Variants in PIGL observed in about 807,000 individuals in gnomAD.
PIGL encodes the protein N-acetylglucosaminyl-phosphatidylinositol de-N-acetylase.
In PIGL, 22 loss-of-function variants were observed where a neutral mutation model predicts 31.1. That is an observed-to-expected ratio of 0.71 (90% CI 0.51 to 1.01). PIGL has a LOEUF of 1.01. Among genes scored for constraint, PIGL ranks in the 50% least tolerant of loss-of-function variants. The pLI, the probability that PIGL is intolerant of heterozygous loss-of-function variation, is 0.00. For synonymous variants in PIGL, 131 were observed against 117.4 expected, an observed-to-expected ratio of 1.12 and a Z score of -0.75; for missense variants, 302 against 315.9, an observed-to-expected ratio of 0.96 and a Z score of 0.33.
chr17:16,218,724 G>T (rs1420662007), intron 1 of PIGL, among the ~76,000 whole-genome samples: 1 of 148,358 alleles, frequency 6.7e-6, no homozygotes, highest in Non-Finnish European at 1.5e-5. Flanking sequence ...TGTTGCCCAG[G>T]CTGGAGTGCC....
At position 16,315,708 on chromosome 17, in the gene PIGL, C is replaced by CTTTTTT. The variant is rs1157169209; in HGVS notation, c.495-953_495-948dup. Among the ~76,000 whole-genome samples, 295 of 59,050 alleles carry CTTTTTT rather than the reference C, an allele frequency of 5.0e-3. 2 individuals carry two copies. The highest frequency in any genetic ancestry group is 5.8e-3 in the East Asian group (12 of 2,052). 38.7% of individuals were successfully genotyped at this position (59,050 alleles called of 152,430 possible). Reference sequence around the variant, plus strand: ...CTTTTCTTTCTTTCTTTCTTTCTTTCTTTTTTTTTTTTTTTTTTTTTTTTT... The same window carrying CTTTTTT: ...CTTTTCTTTCTTTCTTTCTTTCTTTCTTTTTTTTTTTTTTTTTTTTTTTTTTTTTTT... On this transcript the variant is annotated intron_variant, in intron 4 of 6. Transcript: ENST00000225609.
chr17:16,238,286 A>C (rs1477102737), intron 2 of PIGL, among the ~76,000 whole-genome samples: 1 of 151,920 alleles, frequency 6.6e-6, no homozygotes, highest in Non-Finnish European at 1.5e-5. Flanking sequence ...AATACTCAAA[A>C]CTAATACTAA....
At chr17:16,245,621 T>A (rs970974894) in intron 2 of PIGL, among the ~76,000 whole-genome samples, 2 of 150,396 alleles carry the variant, frequency 1.3e-5, no homozygotes, top group African/African-American at 4.9e-5. Context: ...GGCAGGATGG[T>A]CTCGATCTCT....
At chr17:16,235,704 C>G (rs2092696881) in intron 2 of PIGL, among the ~76,000 whole-genome samples, 1 of 150,248 alleles carries the variant, frequency 6.7e-6, no homozygotes, top group South Asian at 2.1e-4. Context: ...CCACCTGCCT[C>G]GGCCTCCCAA....
Position 16,316,902 on chromosome 17 carries a change from G to A in PIGL, c.526+190G>A, listed in dbSNP as rs187460360. On this transcript the variant is annotated intron_variant, in intron 5 of 6. Transcript: ENST00000225609. ...TGTATCTACCAGCAAGTGCCTGCCTGCAGGGCCACCTCTGGATGAGTGGGG... is the reference window on the plus strand; with the variant it reads ...TGTATCTACCAGCAAGTGCCTGCCTACAGGGCCACCTCTGGATGAGTGGGG... The A allele has an allele frequency of 4.0e-5, 55 of 1,372,594 alleles. 1 individual carries two copies. The South Asian group carries it at 9.3e-4, about 23-fold the overall frequency. 85.0% of individuals were successfully genotyped at this position (1,372,594 alleles called of 1,614,324 possible). A position where few individuals can be genotyped will look rare whatever the true frequency, so the allele number is the denominator to read the frequency against.
chr17:16,233,428 G>T (rs1376618246), intron 1 of PIGL, among the ~76,000 whole-genome samples: 4 of 152,062 alleles, frequency 2.6e-5, no homozygotes, highest in Non-Finnish European at 4.4e-5. Flanking sequence ...GGGGTATGCT[G>T]GATAGCTGGC....
Position 16,245,719 on chromosome 17 carries a change from CAT to C in PIGL, c.335+11659_335+11660del, listed in dbSNP as rs945157288. ...TGCCTGGCCTATATATATATACACA[CAT>C]ATATATATACACACACACATATATA... On this transcript the variant is annotated intron_variant, in intron 2 of 6. Coordinates refer to ENST00000225609, the MANE Select transcript of PIGL (RefSeq NM_004278.4). Among the ~76,000 whole-genome samples, 10 of 150,298 alleles carry C rather than the reference CAT, an allele frequency of 6.7e-5. No homozygotes were observed. In the South Asian group the frequency reaches 1.3e-3, roughly 19 times the overall value.
At position 16,232,768 on chromosome 17, in the gene PIGL, T is replaced by TAAA. The variant is rs34414046; in HGVS notation, c.236-1193_236-1191dup. Reference sequence around the variant, plus strand: ...AATATACACAAAATAGTTTATGACTTAAAAAAAAAAAACGCAAAAAAAGGT... The same window carrying TAAA: ...AATATACACAAAATAGTTTATGACTTAAAAAAAAAAAAAAACGCAAAAAAAGGT... On this transcript the variant is annotated intron_variant, in intron 1 of 6. Transcript: ENST00000225609. 1.7e-3 allele frequency among the ~76,000 whole-genome samples: 246 copies of TAAA among 144,362 alleles called. 1 individual carries two copies. Among genetic ancestry groups the TAAA allele is most frequent in the Middle Eastern group, 7.1e-3 (2 of 282 alleles). The allele number at this position is 144,362 out of a possible 152,430, so 94.7% of individuals were successfully genotyped here.
At chr17:16,301,102 C>T (rs1414861762) in intron 3 of PIGL, among the ~76,000 whole-genome samples, 1 of 151,956 alleles carries the variant, frequency 6.6e-6, no homozygotes, top group Non-Finnish European at 1.5e-5. Flanking sequence ...CTCATGAAAA[C>T]ATGAATCCTG....
At chr17:16,256,109 G>A (rs901779875) in intron 2 of PIGL, among the ~76,000 whole-genome samples, 6 of 152,202 alleles carry the variant, frequency 3.9e-5, no homozygotes, top group African/African-American at 1.4e-4. Context: ...GTTTGGAAAA[G>A]GTTTGCAAAT....
At chr17:16,272,962 G>A (rs2092878797) in intron 2 of PIGL, among the ~76,000 whole-genome samples, 2 of 152,188 alleles carry the variant, frequency 1.3e-5, no homozygotes, top group African/African-American at 4.8e-5. Flanking sequence ...GTGGAAGTTG[G>A]GATGAAACAG....
intron 5 of PIGL, chr17:16,317,552 G>A (rs772567986): frequency 4.6e-5 from 60 of 1,309,988 alleles, no homozygotes; most frequent in Middle Eastern, 6.0e-4. Flanking sequence ...AGGGCACACC[G>A]CAGGGTAGAG....
chr17:16,218,316 C>T (rs962544439), intron 1 of PIGL: 6 of 152,054 alleles, frequency 3.9e-5, no homozygotes, highest in African/African-American at 1.4e-4. Context: ...CGTTTTTACT[C>T]GACATTACTT....
chr17:16,227,910 A>T (rs2092659751), intron 1 of PIGL, among the ~76,000 whole-genome samples: 1 of 151,764 alleles, frequency 6.6e-6, no homozygotes, highest in Non-Finnish European at 1.5e-5. Context: ...TGATCTTTTA[A>T]AGACAACTTC....
chr17:16,255,751 C>T (rs1054082062), intron 2 of PIGL, among the ~76,000 whole-genome samples: 1 of 152,220 alleles, frequency 6.6e-6, no homozygotes, highest in Admixed American at 6.6e-5. Context: ...CAGTCCTTTT[C>T]TCCAAATACA....
intron 2 of PIGL, among the ~76,000 whole-genome samples, chr17:16,295,310 G>A (rs915191333): frequency 2.0e-5 from 3 of 151,668 alleles, no homozygotes; most frequent in Non-Finnish European, 1.5e-5. Context: ...GGCTGAGGCA[G>A]GAGAATCGCT....
chr17:16,315,684 T>TTTTC (rs1295279206), intron 4 of PIGL, among the ~76,000 whole-genome samples: 8 of 120,378 alleles, frequency 6.6e-5, no homozygotes, highest in South Asian at 2.6e-4. Context: ...CAGTCTTTTC[T>TTTTC]TTTCTTTCTT....
intron 2 of PIGL, among the ~76,000 whole-genome samples, chr17:16,240,667 CTT>C: frequency 6.9e-6 from 1 of 145,306 alleles, no homozygotes; most frequent in Non-Finnish European, 1.5e-5. Context: ...TGCCAGCTAC[CTT>C]TTTTTTTTTT....
intron 5 of PIGL, 42 bp from the exon 6 acceptor site, chr17:16,317,733 G>A: frequency 6.2e-7 from 1 of 1,610,776 alleles, no homozygotes; most frequent in Non-Finnish European, 8.5e-7. Context: ...CTGGCTGGAG[G>A]CCTCAAGGCT....
Sources: allele counts gnomAD v4.1 joint callset (sites outside exome capture counted in the v4.1 genomes callset), GRCh38; gene constraint gnomAD v4.1.1; transcripts MANE v1.5; gene names NCBI Gene and HGNC (gene_info 2026-07-23, HGNC 2026-07-21).